KHDC1: variants seen among roughly 807,000 people sequenced by gnomAD.
KHDC1 encodes KH domain containing 1, also known as KH homology domain-containing protein 1.
KHDC1 carries 21 observed loss-of-function variants against 24.7 expected under a neutral mutation model. The observed-to-expected ratio is 0.85, with a 90% CI of 0.60 to 1.23. The LOEUF (loss-of-function observed/expected upper bound fraction) is 1.23. KHDC1 is among the 50% of genes most tolerant of loss of function. The probability of loss-of-function intolerance (pLI) is 0.00; values close to 1 mark genes in which losing one functional copy is unlikely to be tolerated. For missense variants in KHDC1, 274 were observed against 298.5 expected (o/e 0.92, Z 0.61); for synonymous variants, 98 against 111.7 (o/e 0.88, Z 0.77).
intron 2 of KHDC1, among the ~76,000 whole-genome samples, chr6:73,285,649 CTTTTTTTTT>C (rs539979246): frequency 2.3e-5 from 3 of 130,074 alleles, no homozygotes; most frequent in Non-Finnish European, 3.3e-5. Context: ...TCTTTTTTTT[CTTTTTTTTT>C]TTTTTTTATT....
chr6:73,299,386 G>C (rs1767821028), intron 1 of KHDC1: 1 of 152,292 alleles, frequency 6.6e-6, no homozygotes, highest in South Asian at 2.1e-4. Context: ...TCCGTGAGCA[G>C]CTTTGTTGGA....
intron 1 of KHDC1, chr6:73,300,112 C>T (rs1767841644): frequency 6.6e-6 from 1 of 152,486 alleles, no homozygotes; most frequent in Admixed American, 6.5e-5. Flanking sequence ...ATGAACTAAC[C>T]TTGAAGGACC....
At chr6:73,295,650 C>T (rs576959439) in intron 1 of KHDC1, among the ~76,000 whole-genome samples, 4 of 149,238 alleles carry the variant, frequency 2.7e-5, no homozygotes, top group East Asian at 2.0e-4. Context: ...GTTCGACACC[C>T]GCCTGGCTAA....
intron 2 of KHDC1, among the ~76,000 whole-genome samples, chr6:73,280,951 G>A (rs1767392464): frequency 6.6e-6 from 1 of 150,452 alleles, no homozygotes; most frequent in Non-Finnish European, 1.5e-5. Context: ...GCTTACGCCT[G>A]TAATCCCAAC....
intron 2 of KHDC1, among the ~76,000 whole-genome samples, chr6:73,272,314 A>T (rs139171689): frequency 7.9e-5 from 12 of 151,688 alleles, no homozygotes; most frequent in Middle Eastern, 3.4e-3. Context: ...GGCACCTGCC[A>T]CCACGTCGGG....
intron 2 of KHDC1, chr6:73,284,853 C>G (rs1767490360): frequency 6.6e-6 from 1 of 150,812 alleles, no homozygotes; most frequent in African/African-American, 2.4e-5. Flanking sequence ...TGTTACTTTG[C>G]TTTTTTTTTA....
At chr6:73,306,614 T>C (rs1767967286) in intron 1 of KHDC1, among the ~76,000 whole-genome samples, 1 of 151,764 alleles carries the variant, frequency 6.6e-6, no homozygotes, top group Non-Finnish European at 1.5e-5. Context: ...CTGACTGGAC[T>C]GCTGGACAGA....
intron 2 of KHDC1, among the ~76,000 whole-genome samples, chr6:73,257,050 T>C (rs372900097): frequency 3.3e-5 from 5 of 152,060 alleles, no homozygotes; most frequent in Non-Finnish European, 7.4e-5. Flanking sequence ...CCTAACACTT[T>C]GGGAGGCTGA....
At chr6:73,253,405 T>C (rs1766817950) in intron 2 of KHDC1, among the ~76,000 whole-genome samples, 1 of 151,220 alleles carries the variant, frequency 6.6e-6, no homozygotes, top group African/African-American at 2.4e-5. Context: ...CACAAAAAAT[T>C]AGCCAGGTGT....
intron 1 of KHDC1, among the ~76,000 whole-genome samples, chr6:73,295,698 T>G (rs1767746011): frequency 6.6e-6 from 1 of 151,546 alleles, no homozygotes; most frequent in Non-Finnish European, 1.5e-5. Flanking sequence ...ATACAAAAAT[T>G]AGCTGGGCCT....
chr6:73,281,243 G>GGATTACTACTGTAATCCCAGCTACT (rs1767400336), intron 2 of KHDC1, among the ~76,000 whole-genome samples: 1 of 152,008 alleles, frequency 6.6e-6, no homozygotes, highest in Non-Finnish European at 1.5e-5. Flanking sequence ...GGAGGCTAAG[G>GGATTACTACTGTAATCCCAGCTACT]CAGGAGAATC....
intron 2 of KHDC1, among the ~76,000 whole-genome samples, chr6:73,281,325 C>T (rs924612102): frequency 2.1e-5 from 3 of 139,722 alleles, no homozygotes; most frequent in African/African-American, 5.4e-5. Flanking sequence ...GGTGACAGAA[C>T]GAGACTCTCT....
At chr6:73,286,694 G>T (rs1396997309) in intron 2 of KHDC1, among the ~76,000 whole-genome samples, 1 of 151,956 alleles carries the variant, frequency 6.6e-6, no homozygotes, top group Non-Finnish European at 1.5e-5. Flanking sequence ...CCAGCCTGAC[G>T]AACATGGTGA....
At chr6:73,258,306 G>A (rs1766917816) in intron 2 of KHDC1, among the ~76,000 whole-genome samples, 1 of 152,208 alleles carries the variant, frequency 6.6e-6, no homozygotes, top group East Asian at 1.9e-4. Context: ...AGCCAGGTGT[G>A]GTGGCACGCA....
intron 2 of KHDC1, among the ~76,000 whole-genome samples, chr6:73,283,911 A>C (rs1454427536): frequency 6.7e-6 from 1 of 149,688 alleles, no homozygotes; most frequent in Non-Finnish European, 1.5e-5. Flanking sequence ...GTATTTTCCC[A>C]CTCCACCCTT....
chr6:73,242,332 G>T, intron 3 of KHDC1, 74 bp downstream of exon 2: 1 of 1,609,046 alleles, frequency 6.2e-7, no homozygotes, highest in Non-Finnish European at 8.5e-7. Context: ...GACTGATGAA[G>T]GTGGGAGGGG....
chr6:73,275,038 A>G (rs1028372816), intron 2 of KHDC1: 9 of 152,314 alleles, frequency 5.9e-5, no homozygotes, highest in African/African-American at 2.2e-4. Flanking sequence ...CCAGTCCACA[A>G]GGGATTCTCT....
intron 2 of KHDC1, among the ~76,000 whole-genome samples, chr6:73,265,528 C>CAA (rs70994179): frequency 0.013 from 984 of 74,442 alleles, 55 homozygotes; most frequent in African/African-American, 0.036. Context: ...GACTCCGTCT[C>CAA]AAAAAAAAAA....
chr6:73,253,552 CA>C (rs58976017), intron 2 of KHDC1, among the ~76,000 whole-genome samples: 62 of 138,324 alleles, frequency 4.5e-4, no homozygotes, highest in African/African-American at 6.4e-4. Flanking sequence ...GAGTCCGTCT[CA>C]AAAAAAAAAA....
Sources: gnomAD v4.1 joint callset for allele counts (sites outside exome capture counted in the v4.1 genomes callset) on GRCh38, gnomAD v4.1.1 for gene constraint, MANE v1.5 for transcripts, NCBI Gene and HGNC (gene_info 2026-07-23, HGNC 2026-07-21) for gene names.